PAPLN: variants seen among roughly 807,000 people sequenced by gnomAD.
The protein encoded by PAPLN is papilin.
Under a neutral mutation model 159.0 loss-of-function variants are expected in PAPLN, and 146 were observed. The ratio of observed to expected loss-of-function variants is 0.92; its 90% CI spans 0.80 to 1.05. The LOEUF is 1.05. PAPLN is among the 50% of genes least tolerant of loss of function. PAPLN has a pLI of 0.00. For missense variants in PAPLN, 1,720 were observed against 1,743.9 expected, an observed-to-expected ratio of 0.99 and a Z score of 0.24; for synonymous variants, 734 against 702.9, an observed-to-expected ratio of 1.04 and a Z score of -0.70.
chr14:73,245,777 T>G lies in PAPLN; in HGVS notation c.231+81T>G. 6.7e-7 allele frequency: 1 copy of G among 1,495,946 alleles called. No individual in the cohort carries two copies. Among genetic ancestry groups the G allele is most frequent in the East Asian group, 2.5e-5 (1 of 40,486 alleles). The allele number at this position is 1,495,946 out of a possible 1,614,324, so 92.7% of individuals were successfully genotyped here. On this transcript the variant is annotated intron_variant, in intron 4 of 26. Transcript: ENST00000644200. The surrounding 1 kb of genome is among the most constrained non-coding windows in gnomAD (Gnocchi z 4.2). ...ATTTCCCCATTGGGATGCCCGCTCC[T>G]GGCCGCGGGCTGCTGGGTTGGCCCA...
rs536234870 is a variant in PAPLN at position 73,254,911 on chromosome 14, G to A, written c.1520G>A (p.Arg507Gln). The change falls in exon 14 of 27, where the codon CGA becomes CAA. Residue 507 changes from arginine (R) to glutamine (Q), a missense_variant. By Grantham distance (43) the Arg-to-Gln change is conservative (BLOSUM62 1). Transcript: ENST00000644200. ...AGCTGCAGCTCGGGCACTCGGAGGCGACAGGTCATCTGTGCCATTGGGCCG... is the reference window on the plus strand; with the variant it reads ...AGCTGCAGCTCGGGCACTCGGAGGCAACAGGTCATCTGTGCCATTGGGCCG... ...SKSCSSGTRR[R>Q]QVICAIGPPS... 9.2e-5 allele frequency: 149 copies of A among 1,612,932 alleles called. No homozygotes were observed. The highest frequency in any genetic ancestry group is 1.3e-4 in the Admixed American group (8 of 59,986).
intron 14 of PAPLN, among the ~76,000 whole-genome samples, chr14:73,257,124 A>C (rs763618151): frequency 6.6e-6 from 1 of 152,076 alleles, no homozygotes; most frequent in Non-Finnish European, 1.5e-5. Flanking sequence ...GGTGCAGGCC[A>C]CCATGCCCAG....
chr14:73,247,400 C>G (rs12883707), intron 5 of PAPLN, among the ~76,000 whole-genome samples: 52,270 of 152,122 alleles, frequency 0.34, 11,453 homozygotes, highest in African/African-American at 0.63. Flanking sequence ...CGGCAAATGA[C>G]CTCTGGAGAC....
At chr14:73,236,009 G>A (rs193120064), upstream of PAPLN, among the ~76,000 whole-genome samples, 384 of 152,346 alleles carry the variant, frequency 2.5e-3, no homozygotes, top group African/African-American at 8.4e-3. Context: ...GGCCAAGGGA[G>A]AAGTGGCAGG....
At chr14:73,270,043 T>C (rs1323298212) in intron 26 of PAPLN, among the ~76,000 whole-genome samples, 1 of 152,226 alleles carries the variant, frequency 6.6e-6, no homozygotes, top group African/African-American at 2.4e-5. Flanking sequence ...TAGGTGCTCA[T>C]GTTGTGGCTG....
At chr14:73,254,041 G>A in intron 12 of PAPLN, 80 bp downstream of exon 12, 2 of 1,441,264 alleles carry the variant, frequency 1.4e-6, no homozygotes, top group African/African-American at 1.4e-5. Flanking sequence ...TCTCTGCTGT[G>A]GAAACCGAGG....
At chr14:73,261,086 G>T in intron 17 of PAPLN, 70 bp from the exon 18 acceptor site, 1 of 1,610,936 alleles carries the variant, frequency 6.2e-7, no homozygotes, top group Non-Finnish European at 8.5e-7. Context: ...CATCCTCCCC[G>T]TGGCAGCCCA....
rs747204977 is a variant in PAPLN at position 73,272,644 on chromosome 14, G to A, written c.3817G>A (p.Ala1273Thr). Residue 1273 changes from alanine (A) to threonine (T), a missense_variant, in exon 27 of 27, where the codon GCT (alanine) becomes ACT (threonine). Physicochemically the swap from Ala to Thr is moderately conservative, Grantham distance 58. Transcript: ENST00000644200. ...CASCSRFQPH[A>T]QPIWQ is the part of the protein sequence containing the mutation. ...CAGCTGTTCACGTTTCCAGCCTCAC[G>A]CTCAGCCCATCTGGCAGTAGGGATG... The A allele has an allele frequency of 1.0e-5, 16 of 1,580,870 alleles. No homozygotes were observed. Among genetic ancestry groups the A allele is most frequent in the South Asian group, 4.5e-5 (4 of 89,326 alleles).
At position 73,272,606 on chromosome 14, in the gene PAPLN, G is replaced by A. The variant is rs11626824; in HGVS notation, c.3779G>A (p.Ser1260Asn). ...CTTTGTGGCAATGAGTATTACTCCAGCTTCTGCTGTGCCAGCTGTTCACGT... is the reference window on the plus strand; with the variant it reads ...CTTTGTGGCAATGAGTATTACTCCAACTTCTGCTGTGCCAGCTGTTCACGT... ...AQLCGNEYYSSFCCASCSRFQ... is the reference protein window; with the variant it reads ...AQLCGNEYYSNFCCASCSRFQ... The change falls in exon 27 of 27, where the codon AGC becomes AAC. Residue 1260 changes from serine to asparagine, a missense_variant. Transcript: ENST00000644200. 3.9e-5 allele frequency: 63 copies of A among 1,598,280 alleles called. No homozygotes were observed. The highest frequency in any genetic ancestry group is 5.4e-5 in the Non-Finnish European group (63 of 1,167,006).
At chr14:73,266,856 C>T (rs1483458016) in intron 25 of PAPLN, 25 bp downstream of exon 25, 3 of 1,584,186 alleles carry the variant, frequency 1.9e-6, no homozygotes, top group Non-Finnish European at 2.6e-6. Context: ...CCAAGTTGTC[C>T]CTGTCCCCAG....
chr14:73,252,400 C>T (rs1360149080), intron 10 of PAPLN, among the ~76,000 whole-genome samples: 2 of 35,576 alleles, frequency 5.6e-5, no homozygotes, highest in African/African-American at 2.6e-4. Flanking sequence ...AGACAGACTC[C>T]CTCAGGACCG....
intron 20 of PAPLN, 56 bp downstream of exon 20, chr14:73,263,838 C>T (rs1886860675): frequency 1.3e-6 from 2 of 1,541,444 alleles, no homozygotes; most frequent in Non-Finnish European, 1.7e-6. Context: ...CCTACCTTCC[C>T]TGACAGGTGT....
chr14:73,272,801 C>G lies in PAPLN; in HGVS notation c.*137C>G, dbSNP rs1594843777. ...ATACATTAGCTCTTTCAAAAACCCA[C>G]CCAGTGTTTAGCCTCAACGGCAGCC... On this transcript the variant is annotated 3_prime_UTR_variant, in exon 27 of 27. Transcript: ENST00000644200. 1.0e-6 allele frequency: 1 copy of G among 976,072 alleles called. No individual in the cohort carries two copies. Among genetic ancestry groups the G allele is most frequent in the Non-Finnish European group, 1.4e-6 (1 of 727,058 alleles). 60.5% of individuals were successfully genotyped at this position (976,072 alleles called of 1,614,324 possible). A position where few individuals can be genotyped will look rare whatever the true frequency, so the allele number is the denominator to read the frequency against.
In PAPLN at chr14:73,266,725, G is replaced by T; in HGVS notation, c.3394G>T (p.Glu1132Ter). The T allele has an allele frequency of 3.7e-6, 6 of 1,614,122 alleles. No individual in the cohort carries two copies. The highest frequency in any genetic ancestry group is 4.2e-6 in the Non-Finnish European group (5 of 1,180,010). Residue 1132 changes from glutamate (E) to a stop codon, truncating the protein, a stop_gained and splice_region_variant, in exon 25 of 27, where the codon GAG becomes TAG. Coordinates refer to ENST00000644200, the MANE Select transcript of PAPLN (RefSeq NM_001365906.3). LOFTEE classifies it high-confidence loss of function. ...QRWVQLRVLG[E>*]LTISGLPPTV... ...CAATGACTTGTCCTTGTGCCCAGGG[G>T]AGCTGACAATCTCAGGACTGCCCCC...
Position 73,264,656 on chromosome 14 carries a change from G to T in PAPLN, c.3055G>T (p.Asp1019Tyr), listed in dbSNP as rs185098551. 1 of 1,608,022 alleles carries T rather than the reference G, an allele frequency of 6.2e-7. No homozygotes were observed. Among genetic ancestry groups the T allele is most frequent in the East Asian group, 2.2e-5 (1 of 44,846 alleles). ...CCCTCAGCCCAGGGACCCAGCTCAGGACTTTGGCCAAGCGGGGGCTGCTGG... is the reference window on the plus strand; with the variant it reads ...CCCTCAGCCCAGGGACCCAGCTCAGTACTTTGGCCAAGCGGGGGCTGCTGG... Reference protein sequence around the residue: ...RFPQPRDPAQDFGQAGAAGPL... With the variant: ...RFPQPRDPAQYFGQAGAAGPL... Residue 1019 changes from aspartate to tyrosine, a missense_variant, in exon 22 of 27, where the codon GAC becomes TAC. Physicochemically the swap from Asp to Tyr is radical, Grantham distance 160. Coordinates refer to ENST00000644200, the MANE Select transcript of PAPLN (RefSeq NM_001365906.3).
At chr14:73,258,025 A>G (rs1351837891) in intron 14 of PAPLN, among the ~76,000 whole-genome samples, 1 of 152,062 alleles carries the variant, frequency 6.6e-6, no homozygotes, top group Non-Finnish European at 1.5e-5. Flanking sequence ...TCGGCCTCCC[A>G]AAGTGCTGGG....
intron 18 of PAPLN, 133 bp from the exon 19 acceptor site, chr14:73,262,217 C>T (rs1886660079): frequency 2.2e-6 from 2 of 918,570 alleles, no homozygotes; most frequent in South Asian, 1.7e-5. Context: ...CCAGGTCAGG[C>T]CCCCAGACAG....
At chr14:73,246,209 T>C (rs1884290080) in intron 5 of PAPLN, 34 bp downstream of exon 5, 1 of 1,521,140 alleles carries the variant, frequency 6.6e-7, no homozygotes, top group Middle Eastern at 1.7e-4. Flanking sequence ...TCTCGGGGCC[T>C]CTTGTATACC....
At chr14:73,244,138 T>TA (rs1883923003) in intron 2 of PAPLN, 3 of 155,768 alleles carry the variant, frequency 1.9e-5, no homozygotes, top group African/African-American at 4.8e-5. Context: ...ATTTTTTTTT[T>TA]AAATTTTGGG....
Sources: gnomAD v4.1 joint callset for allele counts (sites outside exome capture counted in the v4.1 genomes callset) on GRCh38, gnomAD v4.1.1 for gene constraint, Gnocchi (gnomAD v3.1) non-coding constraint, MANE v1.5 for transcripts, NCBI Gene and HGNC (gene_info 2026-07-23, HGNC 2026-07-21) for gene names.